Variants in RIPOR3 observed in about 807,000 individuals in gnomAD.
RIPOR3 encodes RIPOR family member 3, also known as family with sequence similarity 65 member C.
A neutral mutation model predicts 114.3 loss-of-function variants in RIPOR3; 95 were observed. The observed-to-expected ratio is 0.83, with a 90% CI of 0.70 to 0.99. The LOEUF (loss-of-function observed/expected upper bound fraction) is 0.99, where lower values mean the gene tolerates loss of function less well. RIPOR3 is among the 50% of genes least tolerant of loss of function. The pLI is 0.00. For missense variants in RIPOR3, 1,252 were observed against 1,266.9 expected, an observed-to-expected ratio of 0.99 and a Z score of 0.18; for synonymous variants, 575 against 543.8, an observed-to-expected ratio of 1.06 and a Z score of -0.80.
chr20:50,643,300 G>GTGTT (rs2085271940), intron 1 of RIPOR3, among the ~76,000 whole-genome samples: 1 of 129,348 alleles, frequency 7.7e-6, no homozygotes. Context: ...TTTTGTGTGT[G>GTGTT]TTTTTTTTTT....
At chr20:50,666,227 T>TCCC (rs2086235352) in intron 1 of RIPOR3, among the ~76,000 whole-genome samples, 1 of 14,514 alleles carries the variant, frequency 6.9e-5, no homozygotes, top group African/African-American at 1.1e-4. Flanking sequence ...CTTTTCTTTT[T>TCCC]TGAGACGGAG....
At chr20:50,630,953 A>G (rs2123252379) in intron 1 of RIPOR3, 97 bp from the exon 2 acceptor site, 1 of 900,028 alleles carries the variant, frequency 1.1e-6, no homozygotes, top group East Asian at 2.8e-5. Flanking sequence ...AGACCTCACA[A>G]TGGCCCCAGA....
chr20:50,597,834 C>T (rs766403974), intron 13 of RIPOR3, 124 bp from the exon 14 acceptor site: 86 of 1,406,256 alleles, frequency 6.1e-5, no homozygotes, highest in Admixed American at 2.5e-4. Flanking sequence ...TCCCACACAC[C>T]GTCCCCCAGC....
chr20:50,588,757 A>G (rs2083006178), intron 20 of RIPOR3, among the ~76,000 whole-genome samples: 1 of 150,974 alleles, frequency 6.6e-6, no homozygotes, highest in African/African-American at 2.4e-5. Flanking sequence ...GTGAAAAAAA[A>G]AAAAAAAAAA....
At chr20:50,587,738 CCT>C in intron 21 of RIPOR3, 62 bp downstream of exon 21, 2 of 1,499,502 alleles carry the variant, frequency 1.3e-6, no homozygotes, top group South Asian at 1.1e-5. Context: ...CTGGGTGTGG[CCT>C]CTCGCAGATT....
intron 1 of RIPOR3, among the ~76,000 whole-genome samples, chr20:50,646,263 G>T (rs1366866615): frequency 6.6e-6 from 1 of 152,126 alleles, no homozygotes; most frequent in Non-Finnish European, 1.5e-5. Context: ...GAGTAGCCGG[G>T]ACCATAGGTG....
At chr20:50,680,575 G>A (rs1043410556) in intron 1 of RIPOR3, among the ~76,000 whole-genome samples, 4 of 152,240 alleles carry the variant, frequency 2.6e-5, no homozygotes, top group Non-Finnish European at 5.9e-5. Flanking sequence ...CAGACGTGTC[G>A]TGTGCAGCCG....
chr20:50,592,619 G>T, intron 18 of RIPOR3, 73 bp from the exon 19 acceptor site: 2 of 1,306,942 alleles, frequency 1.5e-6, no homozygotes, highest in Non-Finnish European at 2.0e-6. Context: ...AGTTTGCTTG[G>T]CTGCTGCCAG....
intron 13 of RIPOR3, among the ~76,000 whole-genome samples, chr20:50,598,386 G>A (rs1297713200): frequency 1.3e-5 from 2 of 151,910 alleles, no homozygotes; most frequent in African/African-American, 4.8e-5. Context: ...TGGCTCTGGG[G>A]CTGGTTCCTG....
chr20:50,687,638 G>A (rs941252748), intron 1 of RIPOR3, among the ~76,000 whole-genome samples: 7 of 152,038 alleles, frequency 4.6e-5, no homozygotes, highest in Admixed American at 2.0e-4. Context: ...GCAGTGGCTC[G>A]TGCCTGTAAT....
chr20:50,682,332 G>A (rs1426162894), intron 1 of RIPOR3, among the ~76,000 whole-genome samples: 1 of 152,210 alleles, frequency 6.6e-6, no homozygotes, highest in Non-Finnish European at 1.5e-5. Flanking sequence ...CAGGGGCTGG[G>A]CACCATGGCT....
intron 11 of RIPOR3, among the ~76,000 whole-genome samples, chr20:50,605,846 G>A (rs2083691640): frequency 6.6e-6 from 1 of 152,008 alleles, no homozygotes; most frequent in African/African-American, 2.4e-5. Context: ...CAAGTCCAGG[G>A]CCTTGCCCAT....
At chr20:50,686,302 C>T (rs1206426546) in intron 1 of RIPOR3, among the ~76,000 whole-genome samples, 9 of 151,936 alleles carry the variant, frequency 5.9e-5, no homozygotes, top group African/African-American at 2.2e-4. Flanking sequence ...GTGATCCACC[C>T]GCCTCGGCCT....
intron 2 of RIPOR3, among the ~76,000 whole-genome samples, chr20:50,627,808 T>C (rs898984185): frequency 3.3e-5 from 5 of 152,122 alleles, no homozygotes; most frequent in Non-Finnish European, 7.4e-5. Context: ...CACAAAAATT[T>C]CTAGAGCACA....
chr20:50,605,073 C>A (rs528267693), intron 11 of RIPOR3, among the ~76,000 whole-genome samples: 11 of 152,180 alleles, frequency 7.2e-5, no homozygotes, highest in African/African-American at 2.6e-4. Context: ...CAGGCATGTA[C>A]CACCATGCTG....
rs2086593247 is a variant in RIPOR3, at chr20:50,673,562, C to T, written c.3+17564G>A. Among the ~76,000 whole-genome samples the T allele has an allele frequency of 3.3e-5, 5 of 152,152 alleles. No homozygotes were observed. In the South Asian group the frequency reaches 1.0e-3, roughly 31 times the overall value. ...CAAAGCCCCAGTCTCTGGAAATGACCCTCCTTCCTTCTCCAGCTCATGGCT... is the reference window on the plus strand; with the variant it reads ...CAAAGCCCCAGTCTCTGGAAATGACTCTCCTTCCTTCTCCAGCTCATGGCT... On this transcript the variant is annotated intron_variant, in intron 1 of 21. Transcript: ENST00000327979.
chr20:50,686,705 C>G (rs1371702555), intron 1 of RIPOR3, among the ~76,000 whole-genome samples: 1 of 150,392 alleles, frequency 6.6e-6, no homozygotes, highest in Non-Finnish European at 1.5e-5. Context: ...GAGCTGAGAT[C>G]GCACCACTGC....
In RIPOR3 at chr20:50,587,273, C is replaced by T; in HGVS notation, c.2812G>A (p.Val938Ile). Reference protein sequence around the residue: ...MDKLCSEQREVFCQEADVEIT... With the variant: ...MDKLCSEQREIFCQEADVEIT... ...TCAACATCTGCCTCCTGGCAAAAGACTTCTCTTTGTTCTGAGCAGAGCTTG... is the reference window on the plus strand; with the variant it reads ...TCAACATCTGCCTCCTGGCAAAAGATTTCTCTTTGTTCTGAGCAGAGCTTG... The change falls in exon 22 of 22, where the codon GTC (valine) becomes ATC (isoleucine). Residue 938 changes from valine to isoleucine, a missense_variant. By Grantham distance (29) the Val-to-Ile change is conservative. Coordinates refer to ENST00000327979, the MANE Select transcript of RIPOR3 (RefSeq NM_001290268.2). The T allele has an allele frequency of 1.9e-6, 3 of 1,614,246 alleles. No homozygotes were observed. Among genetic ancestry groups the T allele is most frequent in the Non-Finnish European group, 1.7e-6 (2 of 1,180,048 alleles).
chr20:50,685,541 A>T (rs2086987047), intron 1 of RIPOR3, among the ~76,000 whole-genome samples: 1 of 151,470 alleles, frequency 6.6e-6, no homozygotes, highest in Non-Finnish European at 1.5e-5. Flanking sequence ...TTTAAAAAAT[A>T]GGCTGGGCAC....
Sources: gnomAD v4.1 joint callset for allele counts (sites outside exome capture counted in the v4.1 genomes callset) on GRCh38, gnomAD v4.1.1 for gene constraint, MANE v1.5 for transcripts, NCBI Gene and HGNC (gene_info 2026-07-23, HGNC 2026-07-21) for gene names.